Variants in RFX3 observed in about 807,000 individuals in gnomAD.
RFX3 encodes transcription factor RFX3.
In RFX3, 14 loss-of-function variants were observed where a neutral mutation model predicts 98.6. That is an observed-to-expected ratio of 0.14 (90% CI 0.09 to 0.22). RFX3 has a LOEUF of 0.22. Ranked by LOEUF, RFX3 falls within the 10% of genes least tolerant of loss-of-function variation. The pLI is 1.00. For synonymous variants in RFX3, 383 were observed against 328.4 expected (o/e 1.17, Z -1.80); for missense variants, 639 against 926.9 (o/e 0.69, Z 4.03).
chr9:3,241,812 A>C (rs1270699234), intron 15 of RFX3, among the ~76,000 whole-genome samples: 1 of 152,234 alleles, frequency 6.6e-6, no homozygotes, highest in Admixed American at 6.5e-5. Flanking sequence ...CAATTTGCTT[A>C]GACTAATATT....
At chr9:3,479,268 T>C (rs1433283108) in intron 1 of RFX3, among the ~76,000 whole-genome samples, 2 of 152,204 alleles carry the variant, frequency 1.3e-5, no homozygotes, top group Non-Finnish European at 2.9e-5. Flanking sequence ...CCCATATTTT[T>C]GTTGTTGTAT....
chr9:3,394,197 C>T (rs1332505796), intron 2 of RFX3, among the ~76,000 whole-genome samples: 1 of 152,022 alleles, frequency 6.6e-6, no homozygotes, highest in Non-Finnish European at 1.5e-5. Flanking sequence ...GGCACAGTAG[C>T]TCATGCCTGT....
Position 3,277,530 on chromosome 9 carries a change from T to C in RFX3, c.852-69A>G, listed in dbSNP as rs543532677. 6,045 of 1,354,288 alleles carry C rather than the reference T, an allele frequency of 4.5e-3. 16 individuals carry two copies. The highest frequency in any genetic ancestry group is 6.3e-3 in the Middle Eastern group (34 of 5,440). The allele number at this position is 1,354,288 out of a possible 1,614,324, so 83.9% of individuals were successfully genotyped here. Reference sequence around the variant, plus strand: ...CTTGCTTTTTTGTACTACCCGAAACTCCCAAAGCATTCAGTTTTATTCTAT... The same window carrying C: ...CTTGCTTTTTTGTACTACCCGAAACCCCCAAAGCATTCAGTTTTATTCTAT... On this transcript the variant is annotated intron_variant, in intron 7 of 16. Transcript: ENST00000617270.
At chr9:3,398,596 T>C (rs372354196) in intron 1 of RFX3, among the ~76,000 whole-genome samples, 90 of 152,300 alleles carry the variant, frequency 5.9e-4, no homozygotes, top group African/African-American at 2.2e-3. Context: ...TTGCCAGTTA[T>C]AGCTTCTCCT....
In RFX3 at chr9:3,379,362, A is replaced by G. The variant is rs1838919838; in HGVS notation, c.117+16110T>C. The stretch of plus-strand genomic sequence containing the variant: ...AAATATTATTAAAACATAAGCAAAC[A>G]TAAAGCAAGGTATAAACAATGACAG... On this transcript the variant is annotated intron_variant, in intron 2 of 16. Coordinates refer to ENST00000617270, the MANE Select transcript of RFX3 (RefSeq NM_001282116.2). 2.6e-5 allele frequency among the ~76,000 whole-genome samples: 4 copies of G among 152,322 alleles called. No individual in the cohort carries two copies. In the South Asian group the frequency reaches 8.3e-4, roughly 32 times the overall value.
At chr9:3,390,748 T>A (rs1410806392) in intron 2 of RFX3, among the ~76,000 whole-genome samples, 1 of 152,100 alleles carries the variant, frequency 6.6e-6, no homozygotes, top group African/African-American at 2.4e-5. Context: ...GTGTAAGACA[T>A]GACTTGTTCC....
chr9:3,351,570 G>A (rs12338746), intron 2 of RFX3, among the ~76,000 whole-genome samples: 26,459 of 151,578 alleles, frequency 0.17, 4,814 homozygotes, highest in African/African-American at 0.46. Flanking sequence ...AGTTTGCAAC[G>A]TACTTAATAA....
intron 1 of RFX3, among the ~76,000 whole-genome samples, chr9:3,506,583 T>C (rs1817120993): frequency 1.3e-5 from 2 of 151,912 alleles, no homozygotes; most frequent in Non-Finnish European, 2.9e-5. Context: ...ATAGAATCCT[T>C]AAAGGCATTC....
intron 12 of RFX3, 87 bp from the exon 13 acceptor site, chr9:3,263,171 A>G: frequency 1.4e-6 from 2 of 1,383,136 alleles, no homozygotes; most frequent in Admixed American, 3.9e-5. Flanking sequence ...CCCTTCACAA[A>G]TTTTAAATGC....
chr9:3,359,477 A>T (rs905319168), intron 2 of RFX3, among the ~76,000 whole-genome samples: 3 of 152,170 alleles, frequency 2.0e-5, no homozygotes, highest in Non-Finnish European at 4.4e-5. Flanking sequence ...GTCCAGGAAG[A>T]GAACTGTGAC....
chr9:3,525,170 A>G (rs1819135542), intron 1 of RFX3, among the ~76,000 whole-genome samples: 1 of 152,146 alleles, frequency 6.6e-6, no homozygotes, highest in Non-Finnish European at 1.5e-5. Flanking sequence ...GGGCGGTGGG[A>G]AAAGTTCACC....
At chr9:3,524,161 A>C (rs998479010) in intron 1 of RFX3, among the ~76,000 whole-genome samples, 3 of 152,196 alleles carry the variant, frequency 2.0e-5, no homozygotes, top group African/African-American at 7.2e-5. Context: ...AGTACATTAT[A>C]TTTGTTTTAG....
chr9:3,482,451 T>C (rs923289178), intron 1 of RFX3, among the ~76,000 whole-genome samples: 1 of 152,208 alleles, frequency 6.6e-6, no homozygotes, highest in African/African-American at 2.4e-5. Flanking sequence ...TACGTTTCTG[T>C]ATTTTCTGAA....
chr9:3,421,498 T>C (rs915902848), intron 1 of RFX3, among the ~76,000 whole-genome samples: 2 of 152,218 alleles, frequency 1.3e-5, no homozygotes, highest in African/African-American at 4.8e-5. Flanking sequence ...TGTAAAAATA[T>C]ATGACAGAAG....
At chr9:3,404,576 T>G (rs183184332) in intron 1 of RFX3, among the ~76,000 whole-genome samples, 41 of 152,264 alleles carry the variant, frequency 2.7e-4, no homozygotes, top group Admixed American at 1.5e-3. Context: ...CCTTACTATA[T>G]AGCTATATTA....
intron 1 of RFX3, among the ~76,000 whole-genome samples, chr9:3,445,117 T>G (rs1358093964): frequency 6.6e-6 from 1 of 152,194 alleles, no homozygotes; most frequent in East Asian, 1.9e-4. Context: ...TGTAGGTTAA[T>G]GAATGCACTT....
At chr9:3,462,799 A>C (rs1416468654) in intron 1 of RFX3, among the ~76,000 whole-genome samples, 1 of 152,104 alleles carries the variant, frequency 6.6e-6, no homozygotes, top group African/African-American at 2.4e-5. Flanking sequence ...CTAGCATTAC[A>C]ATAGCATGTG....
chr9:3,308,949 T>G (rs1006210528), intron 4 of RFX3, among the ~76,000 whole-genome samples: 2 of 152,004 alleles, frequency 1.3e-5, no homozygotes, highest in African/African-American at 4.8e-5. Context: ...TTGCCTTCAT[T>G]TGGGCAAGAC....
chr9:3,369,740 A>G (rs1395504963), intron 2 of RFX3, among the ~76,000 whole-genome samples: 3 of 152,228 alleles, frequency 2.0e-5, no homozygotes, highest in Non-Finnish European at 4.4e-5. Context: ...CAAATGACTA[A>G]AGAAATGGAT....
Sources: gnomAD v4.1 joint callset for allele counts (sites outside exome capture counted in the v4.1 genomes callset) on GRCh38, gnomAD v4.1.1 for gene constraint, MANE v1.5 for transcripts, NCBI Gene and HGNC (gene_info 2026-07-23, HGNC 2026-07-21) for gene names.